Variants in ESRP1 observed in about 807,000 individuals in gnomAD.
ESRP1 encodes the protein RNA-binding motif protein 35A.
In ESRP1, 33 loss-of-function variants were observed where a neutral mutation model predicts 81.7. That is an observed-to-expected ratio of 0.40 (90% CI 0.31 to 0.54). The LOEUF (loss-of-function observed/expected upper bound fraction) is 0.54. Among genes scored for constraint, ESRP1 ranks in the 20% least tolerant of loss-of-function variants. ESRP1 has a pLI of 0.41. For missense variants in ESRP1, 672 were observed against 833.1 expected (o/e 0.81, Z 2.38); for synonymous variants, 320 against 303.3 (o/e 1.06, Z -0.57).
Position 94,668,332 on chromosome 8 carries a change from A to C in ESRP1, c.1233+82A>C, listed in dbSNP as rs953611998. Reference sequence around the variant, plus strand: ...TGAAAATAGTCCTACATTGCTCATTATGTTAAAATAAAACTGGCAAAATAC... The same window carrying C: ...TGAAAATAGTCCTACATTGCTCATTCTGTTAAAATAAAACTGGCAAAATAC... On this transcript the variant is annotated intron_variant, in intron 10 of 15. Coordinates refer to ENST00000433389, the MANE Select transcript of ESRP1 (RefSeq NM_017697.4). 3.0e-6 allele frequency: 4 copies of C among 1,322,078 alleles called. No homozygotes were observed. In the African/African-American group the frequency reaches 5.9e-5, roughly 20 times the overall value. 81.9% of individuals were successfully genotyped at this position (1,322,078 alleles called of 1,614,324 possible).
intron 11 of ESRP1, among the ~76,000 whole-genome samples, chr8:94,672,724 G>A (rs1462097973): frequency 6.6e-6 from 1 of 152,124 alleles, no homozygotes; most frequent in Non-Finnish European, 1.5e-5. Flanking sequence ...GTAGAGACAG[G>A]ATTTCACCAT....
intron 11 of ESRP1, among the ~76,000 whole-genome samples, chr8:94,672,243 A>G (rs1054410925): frequency 7.9e-5 from 12 of 152,154 alleles, no homozygotes; most frequent in Non-Finnish European, 1.8e-4. Context: ...ATTACATTCA[A>G]TAGGAACCAA....
chr8:94,689,811 C>CTTTGTTTTTTTTTTTTT (rs1809304140), intron 13 of ESRP1, among the ~76,000 whole-genome samples: 3 of 64,668 alleles, frequency 4.6e-5, no homozygotes, highest in Admixed American at 1.8e-4. Context: ...TGATGCCTGG[C>CTTTGTTTTTTTTTTTTT]TTTTTTTTTT....
intron 13 of ESRP1, among the ~76,000 whole-genome samples, chr8:94,682,643 A>AATGT (rs879533878): frequency 0.31 from 46,980 of 151,476 alleles, 8,685 homozygotes; most frequent in East Asian, 0.56. Flanking sequence ...CTGGGATTAC[A>AATGT]GGTGTGAGCC....
chr8:94,703,168 G>A (rs944920451), intron 15 of ESRP1, among the ~76,000 whole-genome samples: 4 of 107,968 alleles, frequency 3.7e-5, no homozygotes, highest in African/African-American at 1.1e-4. Flanking sequence ...TGTTGTTGTT[G>A]TTGTTGAGAC....
At chr8:94,696,071 C>T (rs1301223262) in intron 14 of ESRP1, among the ~76,000 whole-genome samples, 1 of 152,106 alleles carries the variant, frequency 6.6e-6, no homozygotes, top group East Asian at 1.9e-4. Context: ...TCAAAACAAA[C>T]AAACAAAAAA....
At chr8:94,641,865 CG>C in intron 1 of ESRP1, 90 bp from the exon 2 acceptor site, 2 of 1,549,726 alleles carry the variant, frequency 1.3e-6, no homozygotes, top group Non-Finnish European at 1.7e-6. Context: ...AAGAGAGGCG[CG>C]GGCCGCCCCA....
intron 4 of ESRP1, among the ~76,000 whole-genome samples, chr8:94,657,652 G>A (rs1263691441): frequency 2.0e-5 from 3 of 152,160 alleles, no homozygotes; most frequent in Admixed American, 2.0e-4. Flanking sequence ...CACCAAGGTA[G>A]TAGCCAAATG....
rs1225108410 is a variant in ESRP1, at chr8:94,706,820, G to A, written c.*931G>A. On this transcript the variant is annotated 3_prime_UTR_variant, in exon 16 of 16. Transcript: ENST00000433389. ...TAGAAAACAATACACTAACTGAACA[G>A]AAGTGAATGCTTATATATATTATGA... The A allele has an allele frequency of 1.3e-5, 2 of 152,192 alleles. No individual in the cohort carries two copies. The highest frequency in any genetic ancestry group is 2.9e-5 in the Non-Finnish European group (2 of 68,040). 9.4% of individuals were successfully genotyped at this position (152,192 alleles called of 1,614,324 possible).
intron 3 of ESRP1, among the ~76,000 whole-genome samples, chr8:94,643,738 C>T (rs1817721074): frequency 2.4e-5 from 1 of 42,532 alleles, no homozygotes; most frequent in African/African-American, 6.1e-5. Context: ...GTCCAATTTT[C>T]AAGATGCATG....
At chr8:94,649,649 A>T (rs1818015171) in intron 4 of ESRP1, 1 of 152,106 alleles carries the variant, frequency 6.6e-6, no homozygotes, top group Non-Finnish European at 1.5e-5. Flanking sequence ...GGTAGCTGGT[A>T]TTACAGGCGC....
At chr8:94,701,099 C>A (rs1250014486) in intron 15 of ESRP1, among the ~76,000 whole-genome samples, 1 of 151,256 alleles carries the variant, frequency 6.6e-6, no homozygotes, top group Non-Finnish European at 1.5e-5. Context: ...GTGGCGAAAC[C>A]CTGTCTTTAC....
At chr8:94,661,535 T>TA (rs1818746773) in intron 4 of ESRP1, among the ~76,000 whole-genome samples, 1 of 152,242 alleles carries the variant, frequency 6.6e-6, no homozygotes, top group South Asian at 2.1e-4. Flanking sequence ...GGTATGCCTC[T>TA]ATTTGATGGA....
chr8:94,674,256 T>C, intron 11 of ESRP1, 52 bp from the exon 12 acceptor site: 1 of 1,560,584 alleles, frequency 6.4e-7, no homozygotes, highest in Non-Finnish European at 8.7e-7. Flanking sequence ...AACCATTTCC[T>C]TGTTGAAGGA....
Position 94,696,913 on chromosome 8 carries a change from G to A in ESRP1, c.2033G>A (p.Trp678Ter). The A allele has an allele frequency of 7.5e-6, 12 of 1,590,544 alleles. No homozygotes were observed. Among genetic ancestry groups the A allele is most frequent in the Non-Finnish European group, 1.0e-5 (12 of 1,167,552 alleles). Residue 678 changes from tryptophan (W) to a stop codon, truncating the protein, a stop_gained, in exon 15 of 16, where the codon TGG (tryptophan) becomes TAG (stop). Coordinates refer to ENST00000433389, the MANE Select transcript of ESRP1 (RefSeq NM_017697.4). LOFTEE classifies it high-confidence loss of function. ...NDQARTLPKE[W>*]VCI Reference sequence around the variant, plus strand: ...CAGGCCAGGACTCTACCCAAAGAATGGGTTTGTATTTAAGGGCCCCAGCAG... The same window carrying A: ...CAGGCCAGGACTCTACCCAAAGAATAGGTTTGTATTTAAGGGCCCCAGCAG...
At chr8:94,694,484 G>A (rs773446889) in intron 14 of ESRP1, among the ~76,000 whole-genome samples, 23 of 152,120 alleles carry the variant, frequency 1.5e-4, no homozygotes, top group Non-Finnish European at 2.4e-4. Context: ...TTCGCCTGTA[G>A]TCGCAGCTAC....
intron 14 of ESRP1, among the ~76,000 whole-genome samples, chr8:94,694,407 G>T (rs1438437541): frequency 6.6e-6 from 1 of 152,156 alleles, no homozygotes; most frequent in African/African-American, 2.4e-5. Context: ...AGGAGTTCAA[G>T]ACCAGCCTGA....
intron 15 of ESRP1, among the ~76,000 whole-genome samples, chr8:94,698,257 T>C (rs991938045): frequency 2.0e-5 from 3 of 152,206 alleles, no homozygotes; most frequent in East Asian, 3.8e-4. Context: ...ACAAGAATTC[T>C]CCATTCCTCC....
At position 94,667,068 on chromosome 8, in the gene ESRP1, G is replaced by GGGGTGTGTGTGTGTGTGTGTGTGT. The variant is rs1554577644; in HGVS notation, c.932-880_932-879insGGTGTGTGTGTGTGTGTGTGTGTG. Among the ~76,000 whole-genome samples the GGGGTGTGTGTGTGTGTGTGTGTGT allele has an allele frequency of 8.0e-3, 1,149 of 144,282 alleles. 15 individuals are homozygous for GGGGTGTGTGTGTGTGTGTGTGTGT. Among genetic ancestry groups the GGGGTGTGTGTGTGTGTGTGTGTGT allele is most frequent in the African/African-American group, 0.028 (1,075 of 37,928 alleles). The allele number at this position is 144,282 out of a possible 152,430, so 94.7% of individuals were successfully genotyped here. A position where few individuals can be genotyped will look rare whatever the true frequency, so the allele number is the denominator to read the frequency against. ...TAATACACAAATTAGCCAGGAGAGG[G>GGGGTGTGTGTGTGTGTGTGTGTGT]GTGTGTGTGTGTGTGTGTGTGTGTG... On this transcript the variant is annotated intron_variant, in intron 9 of 15. Transcript: ENST00000433389.
Sources: allele counts gnomAD v4.1 joint callset (sites outside exome capture counted in the v4.1 genomes callset), GRCh38; gene constraint gnomAD v4.1.1; transcripts MANE v1.5; gene names NCBI Gene and HGNC (gene_info 2026-07-23, HGNC 2026-07-21).